The following GRIP1 variants were observed in gnomAD, a reference collection of about 807,000 sequenced individuals.
The protein encoded by GRIP1 is glutamate receptor interacting protein 1.
GRIP1 carries 45 observed loss-of-function variants against 129.9 expected under a neutral mutation model. That is an observed-to-expected ratio of 0.35 (90% CI 0.27 to 0.44). GRIP1 has a LOEUF of 0.44. Among genes scored for constraint, GRIP1 ranks in the 20% least tolerant of loss-of-function variants. The pLI, the probability that GRIP1 is intolerant of heterozygous loss-of-function variation, is 1.00. For missense variants in GRIP1, 1,196 were observed against 1,396.8 expected (o/e 0.86, Z 2.29); for synonymous variants, 530 against 520.8 (o/e 1.02, Z -0.24).
intron 1 of GRIP1, among the ~76,000 whole-genome samples, chr12:66,640,151 A>G (rs1271885551): frequency 6.6e-6 from 1 of 152,146 alleles, no homozygotes; most frequent in Non-Finnish European, 1.5e-5. Flanking sequence ...TCTCATGCAT[A>G]CTTCCATCTC....
At chr12:66,456,584 T>G (rs1167979474) in intron 9 of GRIP1, among the ~76,000 whole-genome samples, 1 of 152,078 alleles carries the variant, frequency 6.6e-6, no homozygotes, top group African/African-American at 2.4e-5. Context: ...CCTCAGCTCG[T>G]TTTTTCTTCT....
intron 23 of GRIP1, among the ~76,000 whole-genome samples, chr12:66,358,592 C>T (rs756916738): frequency 1.3e-4 from 20 of 152,068 alleles, no homozygotes; most frequent in Non-Finnish European, 2.9e-4. Context: ...GGATTACAGG[C>T]GCATGCCACT....
chr12:66,713,089 C>G (rs1253516465), intron 1 of GRIP1, among the ~76,000 whole-genome samples: 1 of 151,860 alleles, frequency 6.6e-6, no homozygotes, highest in African/African-American at 2.4e-5. Flanking sequence ...GAAAACAGAC[C>G]AGCAGACTAT....
chr12:66,581,871 T>C (rs1320631235), intron 2 of GRIP1, among the ~76,000 whole-genome samples: 1 of 151,978 alleles, frequency 6.6e-6, no homozygotes, highest in Non-Finnish European at 1.5e-5. Flanking sequence ...TTCCAATCAA[T>C]AGAAAAAGAG....
chr12:66,396,485 A>G (rs1007616085), intron 16 of GRIP1, among the ~76,000 whole-genome samples: 1 of 152,208 alleles, frequency 6.6e-6, no homozygotes, highest in Non-Finnish European at 1.5e-5. Context: ...ATTTTTTGAC[A>G]ATGTAACTTG....
chr12:66,988,714 G>C (rs372537326), intron 1 of GRIP1, among the ~76,000 whole-genome samples: 9 of 152,068 alleles, frequency 5.9e-5, no homozygotes, highest in African/African-American at 2.2e-4. Flanking sequence ...GGTTGAGTTT[G>C]GTTCCATGTT....
At chr12:66,857,923 T>C (rs2040035888) in intron 1 of GRIP1, among the ~76,000 whole-genome samples, 2 of 151,990 alleles carry the variant, frequency 1.3e-5, no homozygotes, top group African/African-American at 2.4e-5. Flanking sequence ...GGTAAAGCCA[T>C]ATTAATGTCG....
intron 1 of GRIP1, among the ~76,000 whole-genome samples, chr12:66,934,512 T>C (rs140374947): frequency 6.6e-6 from 1 of 152,344 alleles, no homozygotes; most frequent in Non-Finnish European, 1.5e-5. Context: ...TCCTGTTTGT[T>C]AGCATGGTTT....
At chr12:66,789,585 G>C (rs1316578846) in intron 1 of GRIP1, among the ~76,000 whole-genome samples, 2 of 9,430 alleles carry the variant, frequency 2.1e-4, no homozygotes, top group Non-Finnish European at 5.6e-3. Flanking sequence ...TGTACAAATA[G>C]ATAATGGTCC....
intron 9 of GRIP1, among the ~76,000 whole-genome samples, chr12:66,458,873 G>A (rs2059049648): frequency 1.3e-5 from 2 of 152,146 alleles, no homozygotes; most frequent in African/African-American, 2.4e-5. Context: ...TTGTTTGTAT[G>A]ACTGCCTCCT....
At chr12:67,051,999 G>A (rs2043353915) in intron 1 of GRIP1, among the ~76,000 whole-genome samples, 1 of 152,116 alleles carries the variant, frequency 6.6e-6, no homozygotes, top group South Asian at 2.1e-4. Context: ...GACTTAAAGA[G>A]CCTGAGGTCA....
intron 1 of GRIP1, among the ~76,000 whole-genome samples, chr12:66,962,290 A>G (rs1043986666): frequency 6.6e-6 from 1 of 152,170 alleles, no homozygotes; most frequent in African/African-American, 2.4e-5. Flanking sequence ...TTAATATATT[A>G]TCGTAAACAA....
intron 16 of GRIP1, among the ~76,000 whole-genome samples, chr12:66,398,294 G>A (rs2056866957): frequency 6.7e-6 from 1 of 150,012 alleles, no homozygotes; most frequent in African/African-American, 2.5e-5. Flanking sequence ...TGGTTCCTCA[G>A]TTCTTTAAGA....
At chr12:66,900,663 C>A (rs777640615) in intron 1 of GRIP1, among the ~76,000 whole-genome samples, 2 of 151,806 alleles carry the variant, frequency 1.3e-5, no homozygotes, top group Non-Finnish European at 2.9e-5. Flanking sequence ...ACATTTCAGG[C>A]AAAAAGAGGA....
intron 1 of GRIP1, among the ~76,000 whole-genome samples, chr12:66,664,399 G>T (rs1416443072): frequency 1.3e-5 from 2 of 152,110 alleles, no homozygotes; most frequent in African/African-American, 4.8e-5. Context: ...ACATACATTA[G>T]ATAAACATTC....
rs140034086 is a variant in GRIP1, at chr12:67,005,086, A to G, written c.58+63964T>C. Among the ~76,000 whole-genome samples the G allele has an allele frequency of 1.2e-3, 178 of 152,298 alleles. 1 individual carries two copies. Among genetic ancestry groups the G allele is most frequent in the Non-Finnish European group, 2.1e-3 (142 of 67,998 alleles). Reference sequence around the variant, plus strand: ...TCACTGTGGGCAGGAAATATGAAATAACTTTTACCTTTCTATAAAGATCTG... The same window carrying G: ...TCACTGTGGGCAGGAAATATGAAATGACTTTTACCTTTCTATAAAGATCTG... On this transcript the variant is annotated intron_variant, in intron 1 of 1. Coordinates refer to the GRIP1 transcript ENST00000643019.
At chr12:66,470,286 C>T (rs2059401199) in intron 7 of GRIP1, among the ~76,000 whole-genome samples, 1 of 152,152 alleles carries the variant, frequency 6.6e-6, no homozygotes, top group South Asian at 2.1e-4. Flanking sequence ...CCAGTTTTGT[C>T]TTCCACCATT....
chr12:66,611,217 C>T (rs2064779244), intron 1 of GRIP1, among the ~76,000 whole-genome samples: 1 of 152,044 alleles, frequency 6.6e-6, no homozygotes, highest in South Asian at 2.1e-4. Flanking sequence ...TATGTAAGTA[C>T]CACTGATGCC....
chr12:66,835,270 G>C (rs1205014027), intron 1 of GRIP1, among the ~76,000 whole-genome samples: 10 of 152,030 alleles, frequency 6.6e-5, no homozygotes, highest in Admixed American at 6.6e-4. Flanking sequence ...AAGAAGTCTG[G>C]ATATTTCTTA....
Sources: gnomAD v4.1 joint callset for allele counts (sites outside exome capture counted in the v4.1 genomes callset) on GRCh38, gnomAD v4.1.1 for gene constraint, MANE v1.5 for transcripts, NCBI Gene and HGNC (gene_info 2026-07-23, HGNC 2026-07-21) for gene names.